Variants in LRRIQ4 observed in about 807,000 individuals in gnomAD.
The protein encoded by LRRIQ4 is leucine-rich repeat and IQ domain-containing protein 4.
In LRRIQ4, 21 loss-of-function variants were observed where a neutral mutation model predicts 40.1. The observed-to-expected ratio is 0.52, with a 90% CI of 0.37 to 0.75. The LOEUF is 0.75. LRRIQ4 is among the 30% of genes least tolerant of loss of function. LRRIQ4 has a pLI of 0.00. For missense variants in LRRIQ4, 655 were observed against 660.0 expected, an observed-to-expected ratio of 0.99 and a Z score of 0.08; for synonymous variants, 277 against 277.1, an observed-to-expected ratio of 1.00 and a Z score of 0.00.
At chr3:169,834,915 A>C (rs995140299) in intron 5 of LRRIQ4, among the ~76,000 whole-genome samples, 3 of 152,100 alleles carry the variant, frequency 2.0e-5, no homozygotes, top group Non-Finnish European at 4.4e-5. Context: ...AATTTCTTAC[A>C]AATTTTAATA....
chr3:169,822,540 A>T lies in LRRIQ4; in HGVS notation c.619A>T (p.Ile207Phe), dbSNP rs755224474. 6.2e-7 allele frequency: 1 copy of T among 1,613,940 alleles called. No homozygotes were observed. The change falls in exon 2 of 6, where the codon ATC becomes TTC. Residue 207 changes from isoleucine to phenylalanine, a missense_variant. Ile to Phe is a conservative substitution (Grantham distance 21). Coordinates refer to ENST00000340806, the MANE Select transcript of LRRIQ4 (RefSeq NM_001080460.3). ...ENKIGAIPEEIGHLTGLQKFY... is the reference protein window; with the variant it reads ...ENKIGAIPEEFGHLTGLQKFY... ...CAAAATAGGTGCCATCCCAGAAGAG[A>T]TCGGACACCTGACGGGGCTGCAGAA...
intron 1 of LRRIQ4, among the ~76,000 whole-genome samples, chr3:169,820,042 A>C (rs1181771374): frequency 6.6e-6 from 1 of 152,216 alleles, no homozygotes; most frequent in African/African-American, 2.4e-5. Context: ...AAGCACCTGA[A>C]GCACATAGTG....
At chr3:169,826,428 A>G (rs1201293382) in intron 2 of LRRIQ4, among the ~76,000 whole-genome samples, 8 of 152,042 alleles carry the variant, frequency 5.3e-5, no homozygotes, top group Admixed American at 5.2e-4. Context: ...GGAAAAAACC[A>G]AAACAATGTA....
intron 3 of LRRIQ4, 148 bp from the exon 4 acceptor site, chr3:169,830,344 C>A: frequency 1.9e-6 from 1 of 524,288 alleles, no homozygotes; most frequent in Non-Finnish European, 3.0e-6. Flanking sequence ...TGCTTTTTCC[C>A]TTAACTCAAT....
chr3:169,828,677 T>A (rs1780095437), intron 2 of LRRIQ4, 82 bp from the exon 3 acceptor site: 1 of 1,283,722 alleles, frequency 7.8e-7, no homozygotes. Context: ...TTTAGCAGTC[T>A]GCCTCAAAAC....
intron 1 of LRRIQ4, among the ~76,000 whole-genome samples, chr3:169,815,185 T>G (rs896970165): frequency 1.3e-5 from 2 of 152,224 alleles, no homozygotes; most frequent in Non-Finnish European, 2.9e-5. Flanking sequence ...GTCTTTGGTA[T>G]TTTGATAGGA....
intron 2 of LRRIQ4, among the ~76,000 whole-genome samples, chr3:169,823,574 C>T (rs1270774410): frequency 1.3e-5 from 2 of 152,172 alleles, no homozygotes; most frequent in East Asian, 3.8e-4. Context: ...TCTCGAACTC[C>T]TGACCTTGTG....
intron 4 of LRRIQ4, 129 bp downstream of exon 4, chr3:169,830,759 T>A: frequency 8.7e-7 from 1 of 1,150,706 alleles, no homozygotes; most frequent in Non-Finnish European, 1.2e-6. Context: ...CATTACTTCC[T>A]TGCAGGGCTC....
intron 4 of LRRIQ4, among the ~76,000 whole-genome samples, chr3:169,832,631 C>CAAAAAAA (rs3047516): frequency 4.5e-5 from 3 of 67,358 alleles, no homozygotes; most frequent in Non-Finnish European, 2.8e-5. Flanking sequence ...GACTCTGTCT[C>CAAAAAAA]AAAAAAAAAA....
intron 1 of LRRIQ4, among the ~76,000 whole-genome samples, chr3:169,815,989 C>T (rs1282130733): frequency 4.6e-5 from 7 of 152,054 alleles, no homozygotes. Flanking sequence ...AGATGAATGC[C>T]ACTTGGTCAT....
rs768629714 is a variant in LRRIQ4, at chr3:169,828,874, T to C, written c.1136T>C (p.Ile379Thr). 10 of 1,613,820 alleles carry C rather than the reference T, an allele frequency of 6.2e-6. No individual in the cohort carries two copies. Among genetic ancestry groups the C allele is most frequent in the African/African-American group, 1.3e-5 (1 of 74,922 alleles). Residue 379 changes from isoleucine to threonine, a missense_variant, in exon 3 of 6, where the codon ATT becomes ACT. Transcript: ENST00000340806. ...LSLASLEKLY[I>T]GQDQGFKLTY... Reference sequence around the variant, plus strand: ...TTAGCGTCTTTAGAGAAATTATACATTGGGCAAGACCAGGGATTCAAACTT... The same window carrying C: ...TTAGCGTCTTTAGAGAAATTATACACTGGGCAAGACCAGGGATTCAAACTT...
Position 169,822,405 on chromosome 3 carries a change from G to A in LRRIQ4, c.484G>A (p.Val162Met), listed in dbSNP as rs757773183. 2.5e-6 allele frequency: 4 copies of A among 1,613,040 alleles called. No homozygotes were observed. Among genetic ancestry groups the A allele is most frequent in the Non-Finnish European group, 3.4e-6 (4 of 1,179,506 alleles). Reference protein sequence around the residue: ...NHLKCLPKEIVNQTKLREIYL... With the variant: ...NHLKCLPKEIMNQTKLREIYL... ...CCTGAAATGTCTGCCCAAGGAAATA[G>A]TGAACCAGACCAAGCTGAGGGAGAT... The change falls in exon 2 of 6, where the codon GTG becomes ATG. Residue 162 changes from valine to methionine, a missense_variant. Physicochemically the swap from Val to Met is conservative, Grantham distance 21. Transcript: ENST00000340806.
rs181203629 is a variant in LRRIQ4, at chr3:169,820,190, C to T, written c.-31-1701C>T. On this transcript the variant is annotated intron_variant, in intron 1 of 5. Coordinates refer to ENST00000340806, the MANE Select transcript of LRRIQ4 (RefSeq NM_001080460.3). ...TTCATTCTAAAAAGAAGTTCAAAGACGCTACCGCCAACCTTGCCACTATCA... is the reference window on the plus strand; with the variant it reads ...TTCATTCTAAAAAGAAGTTCAAAGATGCTACCGCCAACCTTGCCACTATCA... Among the ~76,000 whole-genome samples, 12 of 152,106 alleles carry T rather than the reference C, an allele frequency of 7.9e-5. No individual in the cohort carries two copies. The East Asian group carries it at 2.3e-3, about 29-fold the overall frequency.
intron 5 of LRRIQ4, among the ~76,000 whole-genome samples, chr3:169,835,373 T>C (rs1780282362): frequency 6.6e-6 from 1 of 151,720 alleles, no homozygotes; most frequent in African/African-American, 2.4e-5. Flanking sequence ...TCTGTGTGTG[T>C]GTGTGTGTGT....
chr3:169,821,593 T>G (rs1246170741), intron 1 of LRRIQ4, among the ~76,000 whole-genome samples: 1 of 151,098 alleles, frequency 6.6e-6, no homozygotes, highest in Non-Finnish European at 1.5e-5. Context: ...TAAGCCGAGA[T>G]CACACCATTG....
intron 1 of LRRIQ4, among the ~76,000 whole-genome samples, chr3:169,816,322 G>A (rs928280619): frequency 6.6e-5 from 10 of 152,082 alleles, no homozygotes; most frequent in African/African-American, 2.4e-4. Context: ...TTTTTATTAT[G>A]ACTTTGATCT....
In LRRIQ4 at chr3:169,822,235, C is replaced by T; in HGVS notation, c.314C>T (p.Pro105Leu). 6.2e-7 allele frequency: 1 copy of T among 1,605,556 alleles called. No homozygotes were observed. The change falls in exon 2 of 6, where the codon CCC becomes CTC. Residue 105 changes from proline to leucine, a missense_variant. Transcript: ENST00000340806. ...SLESLDLSYN[P>L]IFSSSLVVVS... Reference sequence around the variant, plus strand: ...GAGAGCCTGGACCTGAGCTACAACCCCATCTTCTCCTCCTCCCTTGTCGTT... The same window carrying T: ...GAGAGCCTGGACCTGAGCTACAACCTCATCTTCTCCTCCTCCCTTGTCGTT...
Position 169,837,490 on chromosome 3 carries a change from G to C in LRRIQ4, c.1542G>C (p.Trp514Cys). 2 of 1,606,450 alleles carry C rather than the reference G, an allele frequency of 1.2e-6. No homozygotes were observed. The highest frequency in any genetic ancestry group is 1.7e-6 in the Non-Finnish European group (2 of 1,178,020). ...TATCTTGTTTTCAGATTCAGGCATG[G>C]TGGCGTGGAACAATGGTACAGAGAG... ...RNIMATKIQA[W>C]WRGTMVQRGF... The change falls in exon 6 of 6, where the codon TGG (tryptophan) becomes TGC (cysteine). Residue 514 changes from tryptophan to cysteine, a missense_variant. Transcript: ENST00000340806.
intron 2 of LRRIQ4, among the ~76,000 whole-genome samples, chr3:169,826,109 A>T (rs539258621): frequency 6.6e-6 from 1 of 152,154 alleles, no homozygotes; most frequent in East Asian, 1.9e-4. Flanking sequence ...GGAGAAAAGC[A>T]GGCCACGTGC....
Sources: gnomAD v4.1 joint callset for allele counts (sites outside exome capture counted in the v4.1 genomes callset) on GRCh38, gnomAD v4.1.1 for gene constraint, MANE v1.5 for transcripts, NCBI Gene and HGNC (gene_info 2026-07-23, HGNC 2026-07-21) for gene names.